SNED1: variants seen among roughly 807,000 people sequenced by gnomAD.
The protein encoded by SNED1 is sushi, nidogen and EGF-like domain-containing protein 1.
A neutral mutation model predicts 166.7 loss-of-function variants in SNED1; 81 were observed. The ratio of observed to expected loss-of-function variants is 0.49; its 90% CI spans 0.41 to 0.58. The LOEUF (loss-of-function observed/expected upper bound fraction) is 0.58. SNED1 is among the 20% of genes least tolerant of loss of function. The pLI is 0.00. For synonymous variants in SNED1, 762 were observed against 822.0 expected (o/e 0.93, Z 1.25); for missense variants, 1,604 against 2,000.2 (o/e 0.80, Z 3.78).
intron 21 of SNED1, among the ~76,000 whole-genome samples, chr2:241,066,093 C>A (rs571061763): frequency 6.6e-6 from 1 of 152,178 alleles, no homozygotes; most frequent in African/African-American, 2.4e-5. Context: ...TGGGGCAGGC[C>A]CTAGATGGAA....
Position 240,998,789 on chromosome 2 carries a change from CCCAGCGCCCTGCTCCG to C in SNED1, c.-39_-24del, listed in dbSNP as rs1216064855. 3.3e-5 allele frequency: 33 copies of C among 1,003,272 alleles called. No homozygotes were observed. Among genetic ancestry groups the C allele is most frequent in the Non-Finnish European group, 3.6e-5 (29 of 815,204 alleles). 62.1% of individuals were successfully genotyped at this position (1,003,272 alleles called of 1,614,324 possible). A position where few individuals can be genotyped will look rare whatever the true frequency, so the allele number is the denominator to read the frequency against. On this transcript the variant is annotated 5_prime_UTR_variant, in exon 1 of 32. Transcript: ENST00000310397. ...GCCACCCCCGCGCGCAGCCTAGTCCCCCAGCGCCCTGCTCCGCCAGCGCCCCGTCCCGCCCGCACAC... is the reference window on the plus strand; with the variant it reads ...GCCACCCCCGCGCGCAGCCTAGTCCCCCAGCGCCCCGTCCCGCCCGCACAC...
intron 8 of SNED1, among the ~76,000 whole-genome samples, chr2:241,042,261 C>T (rs1315029559): frequency 6.6e-6 from 1 of 152,192 alleles, no homozygotes; most frequent in Non-Finnish European, 1.5e-5. Flanking sequence ...AAGTCAAACA[C>T]TTCCTGGAGC....
chr2:241,039,931 C>T (rs992519248), intron 6 of SNED1, 144 bp from the exon 7 acceptor site: 18 of 651,346 alleles, frequency 2.8e-5, no homozygotes, highest in South Asian at 7.3e-5. Context: ...TCTTGCCTGT[C>T]GCCCGCTCAG....
intron 20 of SNED1, 146 bp downstream of exon 20, chr2:241,065,103 G>T: frequency 1.2e-6 from 1 of 818,574 alleles, no homozygotes; most frequent in South Asian, 1.8e-5. Flanking sequence ...AAATCCCCCG[G>T]TGGGCTTGAA....
intron 24 of SNED1, 47 bp downstream of exon 24, chr2:241,070,248 C>G (rs1359275195): frequency 1.9e-6 from 3 of 1,544,214 alleles, no homozygotes; most frequent in Non-Finnish European, 2.6e-6. Flanking sequence ...TGTTTGCCAG[C>G]CCTCCACCCT....
At chr2:241,023,108 A>G (rs913821063) in intron 1 of SNED1, among the ~76,000 whole-genome samples, 3 of 152,110 alleles carry the variant, frequency 2.0e-5, no homozygotes, top group Admixed American at 2.0e-4. Context: ...TTTATTATAC[A>G]TGATTTTATT....
At chr2:241,085,974 TCTC>T (rs2063556899) in intron 29 of SNED1, among the ~76,000 whole-genome samples, 2 of 151,316 alleles carry the variant, frequency 1.3e-5, no homozygotes, top group Non-Finnish European at 2.9e-5. Context: ...TTCAAGCTAT[TCTC>T]CTGCCTCAGA....
chr2:241,057,513 A>C, intron 16 of SNED1, among the ~76,000 whole-genome samples: 1 of 150,278 alleles, frequency 6.7e-6, no homozygotes, highest in Admixed American at 6.6e-5. Context: ...CAAGACCCCA[A>C]CTCTACAAAA....
chr2:241,087,777 C>A, intron 30 of SNED1: 1 of 1,059,944 alleles, frequency 9.4e-7, no homozygotes, highest in Non-Finnish European at 1.2e-6. Flanking sequence ...TACGGACAGC[C>A]CCGAGTATTT....
chr2:241,066,655 GCTT>G (rs1349787094), intron 21 of SNED1, among the ~76,000 whole-genome samples: 2 of 152,150 alleles, frequency 1.3e-5, no homozygotes, highest in Non-Finnish European at 2.9e-5. Flanking sequence ...GGTGGCCAGG[GCTT>G]CAGGGAGGCC....
intron 11 of SNED1, among the ~76,000 whole-genome samples, chr2:241,049,336 C>T (rs966060154): frequency 5.9e-5 from 9 of 152,176 alleles, no homozygotes; most frequent in African/African-American, 2.2e-4. Context: ...AGTAAGCTCA[C>T]AGGGGGAAAA....
At chr2:241,059,075 C>A (rs574076516) in intron 16 of SNED1, among the ~76,000 whole-genome samples, 10 of 152,108 alleles carry the variant, frequency 6.6e-5, no homozygotes, top group Admixed American at 2.0e-4. Context: ...GTCCTTTAAA[C>A]ATTAAAGATC....
chr2:241,050,640 C>T (rs140511025), intron 12 of SNED1, among the ~76,000 whole-genome samples: 1 of 152,348 alleles, frequency 6.6e-6, no homozygotes, highest in East Asian at 1.9e-4. Flanking sequence ...CCAACCACTG[C>T]AGCAGAGGTA....
At chr2:240,997,676 C>A (rs1450020450), upstream of SNED1, among the ~76,000 whole-genome samples, 1 of 152,206 alleles carries the variant, frequency 6.6e-6, no homozygotes, top group Non-Finnish European at 1.5e-5. Context: ...ACCATCAGCC[C>A]GGCCTTTCCT....
At chr2:241,005,328 TGA>T (rs1354994869) in intron 1 of SNED1, among the ~76,000 whole-genome samples, 1 of 151,974 alleles carries the variant, frequency 6.6e-6, no homozygotes, top group Non-Finnish European at 1.5e-5. Flanking sequence ...CTCAGCCTCC[TGA>T]GTACCTGGGA....
chr2:241,066,386 A>G (rs1300905175), intron 21 of SNED1, among the ~76,000 whole-genome samples: 1 of 152,330 alleles, frequency 6.6e-6, no homozygotes, highest in African/African-American at 2.4e-5. Flanking sequence ...GGACAGGGGC[A>G]GGGCCGGAAG....
chr2:241,038,905 C>T lies in SNED1; in HGVS notation c.1046-1170C>T, dbSNP rs143305514. Among the ~76,000 whole-genome samples, 909 of 152,326 alleles carry T rather than the reference C, an allele frequency of 6.0e-3. 10 individuals carry two copies. Among genetic ancestry groups the T allele is most frequent in the Middle Eastern group, 6.8e-3 (2 of 294 alleles). ...AGCTTCCCAGGAATGGGCTGCTCCT[C>T]GGCTATGCCCCAGGCTCCAGGAGCC... On this transcript the variant is annotated intron_variant, in intron 6 of 31. Coordinates refer to ENST00000310397, the MANE Select transcript of SNED1 (RefSeq NM_001080437.3).
At chr2:241,019,706 C>G (rs2060712637) in intron 1 of SNED1, among the ~76,000 whole-genome samples, 1 of 152,326 alleles carries the variant, frequency 6.6e-6, no homozygotes, top group Admixed American at 6.5e-5. Context: ...GGAGAGCACC[C>G]TTACCGTGGG....
chr2:241,066,274 G>A (rs1414945728), intron 21 of SNED1, among the ~76,000 whole-genome samples: 1 of 152,190 alleles, frequency 6.6e-6, no homozygotes, highest in African/African-American at 2.4e-5. Context: ...GGGAGCAGAA[G>A]ATGCTGAGCG....
Sources: gnomAD v4.1 joint callset for allele counts (sites outside exome capture counted in the v4.1 genomes callset) on GRCh38, gnomAD v4.1.1 for gene constraint, MANE v1.5 for transcripts, NCBI Gene and HGNC (gene_info 2026-07-23, HGNC 2026-07-21) for gene names.